Variants in AVEN observed in about 807,000 individuals in gnomAD.
AVEN encodes the protein apoptosis and caspase activation inhibitor, also known as cell death regulator Aven.
A neutral mutation model predicts 38.1 loss-of-function variants in AVEN; 41 were observed. The observed-to-expected ratio is 1.08, with a 90% CI of 0.84 to 1.40. The LOEUF is 1.40. Among genes scored for constraint, AVEN ranks in the 40% most tolerant of loss-of-function variants. The pLI is 0.00. For missense variants in AVEN, 605 were observed against 438.8 expected (o/e 1.38, Z -3.38); for synonymous variants, 206 against 171.8 (o/e 1.20, Z -1.56).
At chr15:34,049,532 T>C (rs1031534959) in intron 5 of AVEN, among the ~76,000 whole-genome samples, 1 of 152,040 alleles carries the variant, frequency 6.6e-6, no homozygotes, top group African/African-American at 2.4e-5. Context: ...GATCATGGGA[T>C]TATGTAAAGC....
chr15:33,872,156 T>G (rs1328909398), intron 3 of AVEN, among the ~76,000 whole-genome samples: 1 of 152,100 alleles, frequency 6.6e-6, no homozygotes, highest in Non-Finnish European at 1.5e-5. Context: ...ACTCCAGTGC[T>G]GGGGAGAGGG....
At chr15:33,946,719 C>T (rs951936731) in intron 2 of AVEN, among the ~76,000 whole-genome samples, 1 of 152,132 alleles carries the variant, frequency 6.6e-6, no homozygotes, top group Non-Finnish European at 1.5e-5. Context: ...GCCCTCCAGA[C>T]AGAGAGCAGC....
chr15:34,062,972 C>T (rs1413116707), exon 5 of AVEN: 1 of 1,613,884 alleles, frequency 6.2e-7, no homozygotes, highest in Non-Finnish European at 8.5e-7. Context: ...TCTCCATGAA[C>T]CTCTACACCA....
chr15:34,020,139 G>A (rs567264011), intron 1 of AVEN, among the ~76,000 whole-genome samples: 7 of 152,066 alleles, frequency 4.6e-5, no homozygotes, highest in South Asian at 2.1e-4. Context: ...GTGAAACCCC[G>A]TCTCTACTAA....
At chr15:33,914,335 C>T (rs557382984) in intron 2 of AVEN, among the ~76,000 whole-genome samples, 3 of 152,102 alleles carry the variant, frequency 2.0e-5, no homozygotes, top group South Asian at 2.1e-4. Context: ...AGCACGTATG[C>T]GCACAGATGC....
chr15:34,058,555 AACACACACACACAC>A (rs3027963), intron 5 of AVEN, among the ~76,000 whole-genome samples: 5 of 143,180 alleles, frequency 3.5e-5, no homozygotes, highest in East Asian at 2.1e-4. Context: ...CTTTAATTCT[AACACACACACACAC>A]ACACACACAC....
chr15:33,960,343 A>G (rs1895114614), intron 2 of AVEN, among the ~76,000 whole-genome samples: 1 of 152,206 alleles, frequency 6.6e-6, no homozygotes. Context: ...CAACCATAGC[A>G]GCAAATGCAC....
chr15:33,960,827 C>G (rs1443354599), intron 2 of AVEN, among the ~76,000 whole-genome samples: 1 of 152,098 alleles, frequency 6.6e-6, no homozygotes, highest in African/African-American at 2.4e-5. Flanking sequence ...AGAGTTTATC[C>G]CTTAGTCATG....
chr15:33,917,538 TATATCA>T (rs1310693774), intron 2 of AVEN, among the ~76,000 whole-genome samples: 1 of 143,366 alleles, frequency 7.0e-6, no homozygotes, highest in African/African-American at 2.5e-5. Context: ...TATATATATA[TATATCA>T]ATCACACATG....
chr15:33,855,229 G>A (rs370828768), downstream of AVEN, among the ~76,000 whole-genome samples: 2 of 151,420 alleles, frequency 1.3e-5, no homozygotes, highest in African/African-American at 2.4e-5. Context: ...ACGGTGTCTC[G>A]CTGTGTAGCC....
At chr15:34,072,903 C>T (rs997419738) in intron 1 of AVEN, among the ~76,000 whole-genome samples, 1 of 152,038 alleles carries the variant, frequency 6.6e-6, no homozygotes, top group East Asian at 2.0e-4. Flanking sequence ...CCTGCCTTGG[C>T]CTCCCAAAGT....
chr15:33,915,613 G>C (rs1290036500), intron 2 of AVEN, among the ~76,000 whole-genome samples: 1 of 152,184 alleles, frequency 6.6e-6, no homozygotes, highest in Non-Finnish European at 1.5e-5. Context: ...AAGGAGAAGG[G>C]AACTTCCAGC....
intron 5 of AVEN, among the ~76,000 whole-genome samples, chr15:34,062,399 C>CA (rs931043658): frequency 1.7e-4 from 26 of 151,656 alleles, no homozygotes; most frequent in Non-Finnish European, 3.4e-4. Flanking sequence ...ACTAAAAATA[C>CA]AAAAAAATAG....
chr15:33,881,371 C>A (rs569043152), intron 2 of AVEN, among the ~76,000 whole-genome samples: 2 of 151,536 alleles, frequency 1.3e-5, no homozygotes. Flanking sequence ...AGGTATGAGA[C>A]ACTGCATGTG....
At chr15:33,862,086 G>C (rs921836632), downstream of AVEN, among the ~76,000 whole-genome samples, 6 of 152,030 alleles carry the variant, frequency 3.9e-5, no homozygotes, top group Non-Finnish European at 7.3e-5. Flanking sequence ...TGTATAGAGT[G>C]TATAGATTTT....
intron 2 of AVEN, among the ~76,000 whole-genome samples, chr15:33,916,435 A>G (rs975667669): frequency 6.6e-6 from 1 of 152,180 alleles, no homozygotes; most frequent in Non-Finnish European, 1.5e-5. Flanking sequence ...TTCGCAATCT[A>G]TGCATCTGAC....
intron 2 of AVEN, among the ~76,000 whole-genome samples, chr15:33,952,860 A>G (rs893148343): frequency 3.4e-5 from 5 of 148,636 alleles, no homozygotes; most frequent in African/African-American, 1.2e-4. Flanking sequence ...GCTAAAGAGA[A>G]AAAAAAAAAA....
intron 2 of AVEN, among the ~76,000 whole-genome samples, chr15:33,896,240 T>C (rs919813534): frequency 6.6e-6 from 1 of 152,160 alleles, no homozygotes; most frequent in African/African-American, 2.4e-5. Context: ...AGGAAAATAA[T>C]GGCCCCCTAA....
intron 2 of AVEN, among the ~76,000 whole-genome samples, chr15:33,938,633 G>T (rs138008561): frequency 2.6e-5 from 4 of 152,216 alleles, no homozygotes; most frequent in African/African-American, 9.6e-5. Context: ...TCAACTACTT[G>T]CTGGACATTC....
Sources: allele counts gnomAD v4.1 joint callset (sites outside exome capture counted in the v4.1 genomes callset), GRCh38; gene constraint gnomAD v4.1.1; transcripts MANE v1.5; gene names NCBI Gene and HGNC (gene_info 2026-07-23, HGNC 2026-07-21).